The following SNAPIN variants were observed in gnomAD, a reference collection of about 807,000 sequenced individuals.
SNAPIN encodes the protein SNARE-associated protein Snapin.
A neutral mutation model predicts 15.9 loss-of-function variants in SNAPIN; 16 were observed. That is an observed-to-expected ratio of 1.01 (90% confidence interval 0.68 to 1.53). The LOEUF is 1.53. Ranked by LOEUF, SNAPIN falls within the 40% of genes most tolerant of loss-of-function variation. The pLI is 0.00. For missense variants in SNAPIN, 186 were observed against 180.1 expected (o/e 1.03, Z -0.19); for synonymous variants, 83 against 76.2 (o/e 1.09, Z -0.46).
chr1:153,661,420 G>A lies in SNAPIN; in HGVS notation c.*119G>A, dbSNP rs959633809. The A allele has an allele frequency of 6.5e-5, 50 of 765,354 alleles. No individual in the cohort carries two copies. The Middle Eastern group carries it at 1.2e-3, about 18-fold the overall frequency. The allele number at this position is 765,354 out of a possible 1,614,324, so 47.4% of individuals were successfully genotyped here. ...ACCTTCAGACATTAAAAAGGGAGCC[G>A]TACAGTTTGTTTGAAGCACTTCGTC... On this transcript the variant is annotated 3_prime_UTR_variant, in exon 4 of 4. Coordinates refer to ENST00000368685, the MANE Select transcript of SNAPIN (RefSeq NM_012437.6).
intron 1 of SNAPIN, 107 bp downstream of exon 1, chr1:153,658,993 C>A: frequency 6.3e-7 from 1 of 1,577,274 alleles, no homozygotes; most frequent in Non-Finnish European, 8.7e-7. Context: ...GAAACTGATT[C>A]GAGGCGGGGA....
chr1:153,658,768 G>T lies in SNAPIN; in HGVS notation c.25G>T (p.Val9Leu). Residue 9 changes from valine to leucine, a missense_variant, in exon 1 of 4, where the codon GTA (valine) becomes TTA (leucine). Physicochemically the swap from Val to Leu is conservative, Grantham distance 32 (BLOSUM62 1). Transcript: ENST00000368685. MAGAGSAA[V>L]SGAGTPVAGP... ...GATGGCGGGGGCTGGTTCCGCCGCT[G>T]TATCGGGGGCAGGGACCCCGGTGGC... is the stretch of plus-strand genomic sequence containing the variant. 6.4e-7 allele frequency: 1 copy of T among 1,574,616 alleles called. No homozygotes were observed. The highest frequency in any genetic ancestry group is 8.6e-7 in the Non-Finnish European group (1 of 1,167,680).
chr1:153,659,579 C>T lies in SNAPIN; in HGVS notation c.309+13C>T, dbSNP rs780241643. 1.3e-6 allele frequency: 2 copies of T among 1,557,380 alleles called. No homozygotes were observed. The highest frequency in any genetic ancestry group is 1.1e-5 in the South Asian group (1 of 90,018). ...ACAGAATGCTCAGGTAAAAGAATAT[C>T]TTACCAACAGTGATTCTTTGCCCTT... On this transcript the variant is annotated intron_variant, in intron 3 of 3. Transcript: ENST00000368685.
Position 153,661,477 on chromosome 1 carries a change from T to A in SNAPIN, c.*176T>A. ...ATTTATGTAGGGGCCCCAGGAAACC[T>A]ACACACAGCCAGAATGAGGTTCCCA... On this transcript the variant is annotated 3_prime_UTR_variant, in exon 4 of 4. Coordinates refer to ENST00000368685, the MANE Select transcript of SNAPIN (RefSeq NM_012437.6). 1 of 454,174 alleles carries A rather than the reference T, an allele frequency of 2.2e-6. No individual in the cohort carries two copies. Among genetic ancestry groups the A allele is most frequent in the Non-Finnish European group, 4.1e-6 (1 of 246,796 alleles). 28.1% of individuals were successfully genotyped at this position (454,174 alleles called of 1,614,324 possible). A position where few individuals can be genotyped will look rare whatever the true frequency, so the allele number is the denominator to read the frequency against.
intron 3 of SNAPIN, 41 bp downstream of exon 3, chr1:153,659,607 T>C (rs768583801): frequency 7.9e-6 from 11 of 1,393,266 alleles, no homozygotes; most frequent in Non-Finnish European, 9.2e-6. Flanking sequence ...TTGCCCTTTT[T>C]TGTAAGTCCT....
Position 153,661,587 on chromosome 1 carries a change from G to T in SNAPIN, c.*286G>T. On this transcript the variant is annotated 3_prime_UTR_variant, in exon 4 of 4. Transcript: ENST00000368685. ...TTTTTTTTTAAGCTGCATACGTGAG[G>T]CTTACCTTCTTCAGGACTAGTTAAC... is the stretch of plus-strand genomic sequence containing the variant. 4.2e-6 allele frequency: 1 copy of T among 235,946 alleles called. No individual in the cohort carries two copies. Among genetic ancestry groups the T allele is most frequent in the Non-Finnish European group, 8.7e-6 (1 of 115,402 alleles). 14.6% of individuals were successfully genotyped at this position (235,946 alleles called of 1,614,324 possible). A position where few individuals can be genotyped will look rare whatever the true frequency, so the allele number is the denominator to read the frequency against.
intron 3 of SNAPIN, among the ~76,000 whole-genome samples, chr1:153,660,305 G>T (rs530808027): frequency 6.6e-6 from 1 of 150,938 alleles, no homozygotes; most frequent in African/African-American, 2.4e-5. Flanking sequence ...TTACAGGCGT[G>T]AGCCACTGCA....
chr1:153,661,167 T>C (rs1238240898), intron 3 of SNAPIN, 33 bp from the exon 4 acceptor site: 1 of 1,571,550 alleles, frequency 6.4e-7, no homozygotes. Flanking sequence ...CCTTTCACAG[T>C]GGTTAAGATT....
chr1:153,659,664 G>A (rs947172790), intron 3 of SNAPIN, 98 bp downstream of exon 3: 8 of 839,996 alleles, frequency 9.5e-6, no homozygotes, highest in African/African-American at 6.8e-5. Flanking sequence ...TGGGGAAAGG[G>A]AAATTCACTT....
In SNAPIN at chr1:153,661,366, G is replaced by A. The variant is rs202048014; in HGVS notation, c.*65G>A. 2.4e-4 allele frequency: 302 copies of A among 1,244,072 alleles called. 1 individual carries two copies. In the African/African-American group the frequency reaches 4.1e-3, roughly 17 times the overall value. 77.1% of individuals were successfully genotyped at this position (1,244,072 alleles called of 1,614,324 possible). On this transcript the variant is annotated 3_prime_UTR_variant, in exon 4 of 4. Transcript: ENST00000368685. ...CCAGCTGCCTTGTTTCAACAGACAT[G>A]CAAAGATCCTAGGAGACAGTCCCCA...
rs991192151 is a variant in SNAPIN at position 153,661,210 on chromosome 1, G to A, written c.320G>A (p.Arg107Lys). Residue 107 changes from arginine to lysine, a missense_variant, in exon 4 of 4, where the codon AGA becomes AAA. Transcript: ENST00000368685. ...TTCCTTGTCTTGTAGGAACGACTGA[G>A]ACGGCTAAACCACAGTGTTGCCAAG... is the stretch of plus-strand genomic sequence containing the variant. The part of the protein sequence containing the change: ...NILQNAQERL[R>K]RLNHSVAKET... 3.1e-6 allele frequency: 5 copies of A among 1,613,554 alleles called. No individual in the cohort carries two copies. The African/African-American group carries it at 4.0e-5, about 13-fold the overall frequency.
At chr1:153,659,841 G>A (rs1669103424) in intron 3 of SNAPIN, among the ~76,000 whole-genome samples, 1 of 152,026 alleles carries the variant, frequency 6.6e-6, no homozygotes, top group Non-Finnish European at 1.5e-5. Context: ...CTGGGCTCAA[G>A]CAATTCTGCC....
chr1:153,659,270 T>C lies in SNAPIN; in HGVS notation c.190+86T>C, dbSNP rs1355693788. On this transcript the variant is annotated intron_variant, in intron 2 of 3. Transcript: ENST00000368685. The stretch of plus-strand genomic sequence containing the variant: ...TGCCAACCCCTGGGCTGAGTTTCTG[T>C]CACTTGCTTCCAGGGCATCAGGGCT... 1.6e-5 allele frequency: 24 copies of C among 1,455,156 alleles called. No individual in the cohort carries two copies. The Admixed American group carries it at 4.1e-4, about 25-fold the overall frequency. The allele number at this position is 1,455,156 out of a possible 1,614,324, so 90.1% of individuals were successfully genotyped here.
intron 3 of SNAPIN, among the ~76,000 whole-genome samples, chr1:153,659,975 G>C (rs1048968155): frequency 1.3e-5 from 2 of 151,742 alleles, no homozygotes; most frequent in African/African-American, 4.8e-5. Flanking sequence ...GCTCAAGTGA[G>C]CTTCCCACCT....
chr1:153,661,368 A>G lies in SNAPIN; in HGVS notation c.*67A>G, dbSNP rs1477273151. 4 of 1,236,622 alleles carry G rather than the reference A, an allele frequency of 3.2e-6. No individual in the cohort carries two copies. The African/African-American group carries it at 4.4e-5, about 14-fold the overall frequency. The allele number at this position is 1,236,622 out of a possible 1,614,324, so 76.6% of individuals were successfully genotyped here. On this transcript the variant is annotated 3_prime_UTR_variant, in exon 4 of 4. Coordinates refer to ENST00000368685, the MANE Select transcript of SNAPIN (RefSeq NM_012437.6). The stretch of plus-strand genomic sequence containing the variant: ...AGCTGCCTTGTTTCAACAGACATGC[A>G]AAGATCCTAGGAGACAGTCCCCATA...
intron 3 of SNAPIN, 74 bp downstream of exon 3, chr1:153,659,640 A>C: frequency 9.6e-7 from 1 of 1,038,528 alleles, no homozygotes; most frequent in Non-Finnish European, 1.5e-6. Flanking sequence ...AGCCACTGTA[A>C]TTTTAAAATT....
intron 1 of SNAPIN, 77 bp downstream of exon 1, chr1:153,658,963 G>A: frequency 6.3e-7 from 1 of 1,596,580 alleles, no homozygotes. Context: ...TGTTCTGGCT[G>A]GGAGTGGGCA....
chr1:153,661,424 AGTTT>A lies in SNAPIN; in HGVS notation c.*129_*132del. ...TCAGACATTAAAAAGGGAGCCGTAC[AGTTT>A]GTTTGAAGCACTTCGTCTTACCCAT... On this transcript the variant is annotated 3_prime_UTR_variant, in exon 4 of 4. Transcript: ENST00000368685. 4.0e-6 allele frequency: 3 copies of A among 742,772 alleles called. No homozygotes were observed. Among genetic ancestry groups the A allele is most frequent in the South Asian group, 1.9e-5 (1 of 53,934 alleles). The allele number at this position is 742,772 out of a possible 1,614,324, so 46.0% of individuals were successfully genotyped here.
At chr1:153,658,925 T>C (rs774811415) in intron 1 of SNAPIN, 39 bp downstream of exon 1, 110 of 1,605,332 alleles carry the variant, frequency 6.9e-5, no homozygotes, top group Non-Finnish European at 8.7e-5. Context: ...CCTGTCTCTC[T>C]GGCTTTGTAG....
Sources: allele counts gnomAD v4.1 joint callset (sites outside exome capture counted in the v4.1 genomes callset), GRCh38; gene constraint gnomAD v4.1.1; transcripts MANE v1.5; gene names NCBI Gene and HGNC (gene_info 2026-07-23, HGNC 2026-07-21).